Variants in C11orf65 observed in about 807,000 individuals in gnomAD.
The protein encoded by C11orf65 is chromosome 11 open reading frame 65, also known as protein MFI.
A neutral mutation model predicts 35.3 loss-of-function variants in C11orf65; 38 were observed. The observed-to-expected ratio is 1.08, with a 90% CI of 0.83 to 1.41. C11orf65 has a LOEUF of 1.41. Ranked by LOEUF, C11orf65 falls within the 40% of genes most tolerant of loss-of-function variation. The probability of loss-of-function intolerance (pLI) is 0.00; values close to 1 mark genes in which losing one functional copy is unlikely to be tolerated. For missense variants in C11orf65, 370 were observed against 367.1 expected (o/e 1.01, Z -0.06); for synonymous variants, 105 against 114.4 (o/e 0.92, Z 0.53).
At chr11:108,327,047 C>T (rs1419956983), downstream of C11orf65, among the ~76,000 whole-genome samples, 2 of 152,066 alleles carry the variant, frequency 1.3e-5, no homozygotes, top group African/African-American at 2.4e-5. Context: ...AGACTGGTCT[C>T]GAACTCCTGA....
At position 108,439,308 on chromosome 11, in the gene C11orf65, T is replaced by C. The variant is rs570415226; in HGVS notation, c.82-7470A>G. Among the ~76,000 whole-genome samples the C allele has an allele frequency of 2.0e-5, 3 of 152,330 alleles. No individual in the cohort carries two copies. In the South Asian group the frequency reaches 6.2e-4, roughly 32 times the overall value. Reference sequence around the variant, plus strand: ...ACGACTTAACATCCATTAGAATGGCTATTACCAAAAAACTTGAAAATAGCA... The same window carrying C: ...ACGACTTAACATCCATTAGAATGGCCATTACCAAAAAACTTGAAAATAGCA... On this transcript the variant is annotated intron_variant, in intron 2 of 8. Coordinates refer to ENST00000393084, the MANE Select transcript of C11orf65 (RefSeq NM_152587.5).
intron 2 of C11orf65, among the ~76,000 whole-genome samples, chr11:108,339,767 T>C (rs1341187449): frequency 6.6e-6 from 1 of 152,030 alleles, no homozygotes; most frequent in Non-Finnish European, 1.5e-5. Flanking sequence ...TAGATATTGA[T>C]AGAGAGTAAT....
At chr11:108,403,206 T>A (rs931271558) in intron 6 of C11orf65, among the ~76,000 whole-genome samples, 4 of 152,174 alleles carry the variant, frequency 2.6e-5, no homozygotes, top group Non-Finnish European at 4.4e-5. Context: ...TTGCTCCATA[T>A]CCTTGCCAAC....
intron 6 of C11orf65, among the ~76,000 whole-genome samples, chr11:108,396,651 G>C (rs554381496): frequency 6.7e-4 from 99 of 148,864 alleles, no homozygotes; most frequent in Non-Finnish European, 1.3e-3. Context: ...CTAACACAGT[G>C]AAATTCTGTC....
At chr11:108,423,420 G>A (rs893373070) in intron 3 of C11orf65, among the ~76,000 whole-genome samples, 12 of 152,194 alleles carry the variant, frequency 7.9e-5, no homozygotes, top group Non-Finnish European at 7.3e-5. Flanking sequence ...CAATTACTGA[G>A]GCTAGAGTAG....
chr11:108,391,123 ACC>A (rs961972548), intron 7 of C11orf65, among the ~76,000 whole-genome samples: 5 of 148,506 alleles, frequency 3.4e-5, no homozygotes, highest in Admixed American at 2.0e-4. Context: ...GATTTTTCCT[ACC>A]CCATTTTCTT....
At chr11:108,365,001 G>A (rs779480183) in intron 2 of C11orf65, 125 of 1,516,726 alleles carry the variant, frequency 8.2e-5, no homozygotes, top group Non-Finnish European at 1.1e-4. Context: ...TGGCTTATTT[G>A]TATGATACTG....
intron 3 of C11orf65, chr11:108,333,846 C>T (rs1367696579): frequency 1.4e-6 from 2 of 1,473,794 alleles, no homozygotes; most frequent in East Asian, 2.3e-5. Context: ...CAATGCTGTT[C>T]CTCAGTTTGT....
chr11:108,437,214 G>C (rs1333529422), intron 2 of C11orf65, among the ~76,000 whole-genome samples: 1 of 151,924 alleles, frequency 6.6e-6, no homozygotes, highest in Non-Finnish European at 1.5e-5. Flanking sequence ...TTGAGCTCAG[G>C]AATTCGAGGC....
intron 2 of C11orf65, among the ~76,000 whole-genome samples, chr11:108,370,747 T>G (rs2091546201): frequency 6.6e-6 from 1 of 152,156 alleles, no homozygotes; most frequent in South Asian, 2.1e-4. Context: ...TGATGATGAT[T>G]ATTTTCCTTG....
chr11:108,309,690 T>G (rs939511441), intron 6 of C11orf65, among the ~76,000 whole-genome samples: 2 of 152,206 alleles, frequency 1.3e-5, no homozygotes, highest in African/African-American at 4.8e-5. Context: ...TAACTCAACC[T>G]AGGCAATACA....
chr11:108,378,152 A>C (rs974655596), downstream of C11orf65, among the ~76,000 whole-genome samples: 7 of 152,208 alleles, frequency 4.6e-5, no homozygotes, highest in African/African-American at 1.7e-4. Context: ...ATATGGAACC[A>C]AAAAGGGCCC....
chr11:108,429,406 A>T (rs1034040613), intron 3 of C11orf65, among the ~76,000 whole-genome samples: 4 of 50,770 alleles, frequency 7.9e-5, no homozygotes, highest in Non-Finnish European at 1.5e-4. Flanking sequence ...CATATATTTG[A>T]CATGTTTTAT....
chr11:108,316,213 A>G (rs1214807497), intron 6 of C11orf65: 7 of 1,103,444 alleles, frequency 6.3e-6, no homozygotes, highest in African/African-American at 3.1e-5. Context: ...AACTCTAGAG[A>G]TAAGACTAGA....
intron 6 of C11orf65, among the ~76,000 whole-genome samples, chr11:108,311,773 GTATT>G (rs2084183225): frequency 6.6e-6 from 1 of 152,016 alleles, no homozygotes; most frequent in Non-Finnish European, 1.5e-5. Flanking sequence ...ACTTATGATA[GTATT>G]TATTTTATGT....
At position 108,350,571 on chromosome 11, in the gene C11orf65, C is replaced by A. The variant is rs1449923489; in HGVS notation, c.227-15279G>T. Among the ~76,000 whole-genome samples, 5 of 152,046 alleles carry A rather than the reference C, an allele frequency of 3.3e-5. No homozygotes were observed. The East Asian group carries it at 5.8e-4, about 18-fold the overall frequency. On this transcript the variant is annotated intron_variant, in intron 2 of 3. Coordinates refer to the C11orf65 transcript ENST00000524755. ...CAGTCACGGATATTATATGGTTTTC[C>A]CCAGAATGAATTCTAGAGTTGGGAC...
chr11:108,450,820 G>A (rs1057370420), intron 2 of C11orf65, among the ~76,000 whole-genome samples: 5 of 151,432 alleles, frequency 3.3e-5, no homozygotes, highest in Non-Finnish European at 5.9e-5. Context: ...TGATCAAGTC[G>A]GCTTCATCCC....
intron 2 of C11orf65, chr11:108,336,013 T>C: frequency 7.0e-7 from 1 of 1,427,724 alleles, no homozygotes. Context: ...AAGATGCCAT[T>C]TGGTTGGGTG....
intron 2 of C11orf65, among the ~76,000 whole-genome samples, chr11:108,437,549 C>A (rs182827750): frequency 6.6e-6 from 1 of 151,080 alleles, no homozygotes; most frequent in Non-Finnish European, 1.5e-5. Context: ...ACTAAGCATA[C>A]AAAAATTAGC....
Sources: gnomAD v4.1 joint callset for allele counts (sites outside exome capture counted in the v4.1 genomes callset) on GRCh38, gnomAD v4.1.1 for gene constraint, MANE v1.5 for transcripts, NCBI Gene and HGNC (gene_info 2026-07-23, HGNC 2026-07-21) for gene names.